ASTN2: variants seen among roughly 807,000 people sequenced by gnomAD.
ASTN2 encodes astrotactin 2.
ASTN2 carries 54 observed loss-of-function variants against 139.8 expected under a neutral mutation model. The observed-to-expected ratio is 0.39, with a 90% CI of 0.31 to 0.48. The LOEUF is 0.48. Ranked by LOEUF, ASTN2 falls within the 20% of genes least tolerant of loss-of-function variation. The pLI is 0.95. For synonymous variants in ASTN2, 756 were observed against 719.5 expected, an observed-to-expected ratio of 1.05 and a Z score of -0.81; for missense variants, 1,565 against 1,725.1, an observed-to-expected ratio of 0.91 and a Z score of 1.64.
chr9:116,442,614 G>T, intron 20 of ASTN2, 61 bp from the exon 21 acceptor site: 2 of 1,358,498 alleles, frequency 1.5e-6, no homozygotes, highest in Middle Eastern at 1.8e-4. Flanking sequence ...CCTGGGAGTT[G>T]CAGGGAAGAA....
At chr9:117,252,959 C>T (rs988221724) in intron 2 of ASTN2, among the ~76,000 whole-genome samples, 1 of 152,088 alleles carries the variant, frequency 6.6e-6, no homozygotes. Flanking sequence ...GCTGTTATTA[C>T]TAATTAGGCA....
At chr9:116,782,782 C>A (rs924949159) in intron 13 of ASTN2, among the ~76,000 whole-genome samples, 2 of 150,566 alleles carry the variant, frequency 1.3e-5, no homozygotes, top group Admixed American at 1.3e-4. Context: ...CCCTCTTTTT[C>A]TTCACCTAAC....
chr9:116,945,820 C>T (rs1490514097), intron 10 of ASTN2, among the ~76,000 whole-genome samples: 1 of 152,180 alleles, frequency 6.6e-6, no homozygotes, highest in Non-Finnish European at 1.5e-5. Context: ...CCCATCCCAC[C>T]TGTATTAGTC....
intron 4 of ASTN2, among the ~76,000 whole-genome samples, chr9:117,099,765 C>T (rs140549695): frequency 6.6e-6 from 1 of 152,086 alleles, no homozygotes; most frequent in African/African-American, 2.4e-5. Context: ...AAATCTATTC[C>T]TTTTTTACAA....
At chr9:116,763,394 G>T (rs571063171) in intron 13 of ASTN2, among the ~76,000 whole-genome samples, 15 of 152,172 alleles carry the variant, frequency 9.9e-5, no homozygotes, top group African/African-American at 3.6e-4. Context: ...CCCCCTGAAT[G>T]CAGCAATTTG....
At chr9:116,717,191 C>T (rs2132104350) in intron 16 of ASTN2, among the ~76,000 whole-genome samples, 1 of 152,298 alleles carries the variant, frequency 6.6e-6, no homozygotes, top group African/African-American at 2.4e-5. Flanking sequence ...TTGTGTGATG[C>T]ACTGCACTGA....
At chr9:116,981,644 T>C (rs372839454) in intron 7 of ASTN2, among the ~76,000 whole-genome samples, 1 of 152,210 alleles carries the variant, frequency 6.6e-6, no homozygotes, top group Non-Finnish European at 1.5e-5. Flanking sequence ...TTTGCTGCAT[T>C]GGTGGTATCA....
intron 17 of ASTN2, among the ~76,000 whole-genome samples, chr9:116,632,094 T>C (rs974036114): frequency 7.7e-6 from 1 of 129,308 alleles, no homozygotes; most frequent in Non-Finnish European, 1.6e-5. Context: ...ACACTGGTGA[T>C]AGAGTGAGAC....
At chr9:116,590,936 C>T (rs965836298) in intron 19 of ASTN2, among the ~76,000 whole-genome samples, 3 of 152,178 alleles carry the variant, frequency 2.0e-5, no homozygotes, top group African/African-American at 7.2e-5. Flanking sequence ...AGGAGCTACC[C>T]ACTTCAAGTC....
chr9:117,394,852 T>G (rs936032317), intron 1 of ASTN2, among the ~76,000 whole-genome samples: 33 of 152,056 alleles, frequency 2.2e-4, no homozygotes, highest in Non-Finnish European at 4.3e-4. Context: ...TGTAAAGCAG[T>G]GGGGAGCCAC....
chr9:116,738,651 C>T (rs1829010674), intron 13 of ASTN2, among the ~76,000 whole-genome samples: 1 of 152,148 alleles, frequency 6.6e-6, no homozygotes, highest in East Asian at 1.9e-4. Flanking sequence ...ATTTTAACCT[C>T]ATAAGAACTC....
chr9:116,715,631 C>T (rs1828290963), intron 16 of ASTN2, among the ~76,000 whole-genome samples: 1 of 152,156 alleles, frequency 6.6e-6, no homozygotes, highest in Admixed American at 6.5e-5. Flanking sequence ...ACACTTTATG[C>T]TTTCCTCTAT....
At chr9:116,566,938 T>C (rs779167093) in intron 19 of ASTN2, among the ~76,000 whole-genome samples, 24 of 152,198 alleles carry the variant, frequency 1.6e-4, no homozygotes, top group Non-Finnish European at 2.8e-4. Flanking sequence ...CAAACTCCCA[T>C]CTTCTCTCAC....
intron 2 of ASTN2, among the ~76,000 whole-genome samples, chr9:117,222,299 T>A (rs1245653778): frequency 1.3e-5 from 2 of 152,188 alleles, no homozygotes; most frequent in African/African-American, 4.8e-5. Context: ...TCTTCAAATG[T>A]GTGCTTTGGC....
chr9:116,889,736 C>G (rs921323697), intron 10 of ASTN2, among the ~76,000 whole-genome samples: 1 of 135,372 alleles, frequency 7.4e-6, no homozygotes, highest in Admixed American at 7.1e-5. Flanking sequence ...CACACACACA[C>G]ACACACACAC....
chr9:116,771,835 A>G (rs991354957), intron 13 of ASTN2, among the ~76,000 whole-genome samples: 2 of 152,204 alleles, frequency 1.3e-5, no homozygotes, highest in African/African-American at 4.8e-5. Context: ...TTTCATTTAG[A>G]AATTGTCAAG....
At chr9:117,408,768 G>A (rs1307750742) in intron 1 of ASTN2, among the ~76,000 whole-genome samples, 1 of 152,104 alleles carries the variant, frequency 6.6e-6, no homozygotes, top group Non-Finnish European at 1.5e-5. Flanking sequence ...TCTAAGCCTT[G>A]CTAATGGTTG....
intron 19 of ASTN2, among the ~76,000 whole-genome samples, chr9:116,565,497 G>T (rs575764847): frequency 6.9e-6 from 1 of 145,248 alleles, no homozygotes; most frequent in Non-Finnish European, 1.5e-5. Context: ...GTGTGATATC[G>T]GCTCACTGCA....
intron 16 of ASTN2, among the ~76,000 whole-genome samples, chr9:116,678,939 T>C (rs1249483664): frequency 6.6e-6 from 1 of 152,198 alleles, no homozygotes; most frequent in Non-Finnish European, 1.5e-5. Flanking sequence ...ACATGAAATT[T>C]GGTTTTCTCT....
Sources: gnomAD v4.1 joint callset for allele counts (sites outside exome capture counted in the v4.1 genomes callset) on GRCh38, gnomAD v4.1.1 for gene constraint, MANE v1.5 for transcripts, NCBI Gene and HGNC (gene_info 2026-07-23, HGNC 2026-07-21) for gene names.